Variants in TRIM52 observed in about 807,000 individuals in gnomAD.
The protein encoded by TRIM52 is E3 ubiquitin-protein ligase TRIM52.
A neutral mutation model predicts 27.0 loss-of-function variants in TRIM52; 24 were observed. The ratio of observed to expected loss-of-function variants is 0.89; its 90% CI spans 0.64 to 1.25. The LOEUF (loss-of-function observed/expected upper bound fraction) is 1.25. TRIM52 is among the 50% of genes most tolerant of loss of function. The pLI, the probability that TRIM52 is intolerant of heterozygous loss-of-function variation, is 0.00. For synonymous variants in TRIM52, 125 were observed against 126.5 expected (o/e 0.99, Z 0.08); for missense variants, 351 against 354.7 (o/e 0.99, Z 0.08).
At chr5:181,259,963 A>T (rs188905077) in intron 1 of TRIM52, 38 bp downstream of exon 1, 1 of 1,611,824 alleles carries the variant, frequency 6.2e-7, no homozygotes, top group Admixed American at 1.7e-5. Flanking sequence ...TTACCTTTCC[A>T]CTCCCTTCAT....
At chr5:181,259,834 T>C (rs781778227) in intron 1 of TRIM52, 167 bp downstream of exon 1, 124 of 1,463,710 alleles carry the variant, frequency 8.5e-5, no homozygotes, top group Non-Finnish European at 1.0e-4. Flanking sequence ...TGTGTCTCCT[T>C]TTTTACCCAT....
chr5:181,254,056 C>T (rs529789023), downstream of TRIM52, among the ~76,000 whole-genome samples: 2 of 141,384 alleles, frequency 1.4e-5, no homozygotes, highest in African/African-American at 3.0e-5. Context: ...TTTGGGAGGC[C>T]GAGGCGGGCA....
rs906467603 is a variant in TRIM52, at chr5:181,255,838, T to G, written c.*971A>C. The G allele has an allele frequency of 6.6e-6, 1 of 152,240 alleles. No individual in the cohort carries two copies. The highest frequency in any genetic ancestry group is 2.4e-5 in the African/African-American group (1 of 41,474). 9.4% of individuals were successfully genotyped at this position (152,240 alleles called of 1,614,324 possible). On this transcript the variant is annotated 3_prime_UTR_variant, in exon 2 of 2. Transcript: ENST00000688015. ...TTGAAAATTTTAACTTTTGAAATGTTCAAGTATAGATTATTTTTCATTGTT... is the reference window on the plus strand; with the variant it reads ...TTGAAAATTTTAACTTTTGAAATGTGCAAGTATAGATTATTTTTCATTGTT...
At chr5:181,251,890 C>T (rs1759642346), downstream of TRIM52, among the ~76,000 whole-genome samples, 2 of 152,178 alleles carry the variant, frequency 1.3e-5, no homozygotes. Flanking sequence ...CGGAAAGAAC[C>T]CACTTACCTG....
chr5:181,255,976 A>T lies in TRIM52; in HGVS notation c.*833T>A, dbSNP rs1007123450. On this transcript the variant is annotated 3_prime_UTR_variant, in exon 2 of 2. Coordinates refer to ENST00000688015, the MANE Select transcript of TRIM52 (RefSeq NM_001346048.2). ...CATGGAATGGCATTTAGATCTTCAA[A>T]AAGCAGGGCAAACTGGAATGGAATG... 1 of 152,236 alleles carries T rather than the reference A, an allele frequency of 6.6e-6. No individual in the cohort carries two copies. Among genetic ancestry groups the T allele is most frequent in the African/African-American group, 2.4e-5 (1 of 41,456 alleles). The allele number at this position is 152,236 out of a possible 1,614,324, so 9.4% of individuals were successfully genotyped here.
chr5:181,250,764 C>T (rs1289442657), downstream of TRIM52, among the ~76,000 whole-genome samples: 1 of 152,216 alleles, frequency 6.6e-6, no homozygotes, highest in African/African-American at 2.4e-5. Flanking sequence ...AAGGGCAGTC[C>T]TCTCTGCTCA....
downstream of TRIM52, among the ~76,000 whole-genome samples, chr5:181,250,539 AAAAG>A (rs869087792): frequency 2.6e-5 from 4 of 152,234 alleles, no homozygotes; most frequent in African/African-American, 9.6e-5. Flanking sequence ...GCATCTCAAA[AAAAG>A]AAAAAAAAAA....
At chr5:181,253,785 C>A (rs1466003338), downstream of TRIM52, among the ~76,000 whole-genome samples, 3 of 141,156 alleles carry the variant, frequency 2.1e-5, no homozygotes, top group Non-Finnish European at 4.4e-5. Context: ...CTTGAGCCCA[C>A]CAGGAGTTCA....
At chr5:181,259,751 C>T in intron 1 of TRIM52, 1 of 697,356 alleles carries the variant, frequency 1.4e-6, no homozygotes. Context: ...AGTAGTGGTC[C>T]GCTTCCAGTG....
rs555887267 is a variant in TRIM52, at chr5:181,255,910, T to G, written c.*899A>C. 6.6e-6 allele frequency: 1 copy of G among 152,330 alleles called. No homozygotes were observed. Among genetic ancestry groups the G allele is most frequent in the African/African-American group, 2.4e-5 (1 of 41,578 alleles). 9.4% of individuals were successfully genotyped at this position (152,330 alleles called of 1,614,324 possible). ...TGTCCACAAGTTCAGCAGAATCCGT[T>G]TTTCTTTGGCAACCAAGAAACTTCA... On this transcript the variant is annotated 3_prime_UTR_variant, in exon 2 of 2. Transcript: ENST00000688015.
chr5:181,257,818 C>T (rs762765594), intron 1 of TRIM52: 20 of 165,250 alleles, frequency 1.2e-4, no homozygotes, highest in Admixed American at 3.1e-4. Flanking sequence ...GGTGAAACCC[C>T]GTCTACACTA....
chr5:181,250,586 C>G (rs1759616372), downstream of TRIM52, among the ~76,000 whole-genome samples: 1 of 152,022 alleles, frequency 6.6e-6, no homozygotes, highest in Non-Finnish European at 1.5e-5. Flanking sequence ...CTTCTAGCCT[C>G]CTTGTCAAAG....
chr5:181,257,126 C>T (rs1023701754), intron 1 of TRIM52: 2 of 1,081,228 alleles, frequency 1.8e-6, no homozygotes, highest in African/African-American at 3.3e-5. Flanking sequence ...AACCTGACAC[C>T]ATTTAATGGT....
At chr5:181,249,624 TATG>T, downstream of TRIM52, among the ~76,000 whole-genome samples, 1 of 151,728 alleles carries the variant, frequency 6.6e-6, no homozygotes, top group East Asian at 2.0e-4. Context: ...CGCAGTGAGC[TATG>T]ATCACATCAC....
At chr5:181,253,923 A>C (rs951856058), downstream of TRIM52, among the ~76,000 whole-genome samples, 12 of 143,052 alleles carry the variant, frequency 8.4e-5, 1 homozygote, top group Admixed American at 4.7e-4. Flanking sequence ...GTGAGCTGTG[A>C]TTGCACTACT....
downstream of TRIM52, among the ~76,000 whole-genome samples, chr5:181,253,551 A>C (rs552477072): frequency 2.0e-4 from 28 of 143,318 alleles, 2 homozygotes; most frequent in Middle Eastern, 3.7e-3. Context: ...GTCTAGAGAC[A>C]TTTGTGGTTG....
chr5:181,252,487 A>C (rs1470215175), downstream of TRIM52, among the ~76,000 whole-genome samples: 1 of 152,248 alleles, frequency 6.6e-6, no homozygotes, highest in East Asian at 1.9e-4. Context: ...TGTTACATGA[A>C]GTTCTATTAG....
chr5:181,257,342 T>C, intron 1 of TRIM52: 7 of 1,481,158 alleles, frequency 4.7e-6, no homozygotes, highest in East Asian at 2.4e-5. Context: ...GGTTATGCAA[T>C]AGAAATAGCT....
intron 1 of TRIM52, chr5:181,257,412 T>C (rs1012404430): frequency 6.2e-6 from 10 of 1,606,774 alleles, no homozygotes; most frequent in African/African-American, 1.3e-5. Context: ...TTTTCACACA[T>C]CTTACTGATT....
Sources: gnomAD v4.1 joint callset for allele counts (sites outside exome capture counted in the v4.1 genomes callset) on GRCh38, gnomAD v4.1.1 for gene constraint, MANE v1.5 for transcripts, NCBI Gene and HGNC (gene_info 2026-07-23, HGNC 2026-07-21) for gene names.